Variants in UTRN observed in about 807,000 individuals in gnomAD.
UTRN encodes utrophin.
In UTRN, 283 loss-of-function variants were observed where a neutral mutation model predicts 463.9. That is an observed-to-expected ratio of 0.61 (90% CI 0.55 to 0.67). The LOEUF is 0.67. Among genes scored for constraint, UTRN ranks in the 30% least tolerant of loss-of-function variants. The pLI, the probability that UTRN is intolerant of heterozygous loss-of-function variation, is 0.00. For missense variants in UTRN, 3,922 were observed against 4,084.3 expected (o/e 0.96, Z 1.08); for synonymous variants, 1,442 against 1,431.5 (o/e 1.01, Z -0.17).
intron 49 of UTRN, among the ~76,000 whole-genome samples, chr6:144,555,632 T>C (rs939443505): frequency 9.9e-5 from 15 of 152,212 alleles, no homozygotes; most frequent in African/African-American, 3.6e-4. Context: ...GGTTCCGCCA[T>C]GTTGCCCAGG....
intron 2 of UTRN, among the ~76,000 whole-genome samples, chr6:144,300,049 CCCTA>C (rs1805090107): frequency 2.6e-5 from 4 of 151,444 alleles, no homozygotes; most frequent in Admixed American, 2.6e-4. Flanking sequence ...GTAGCATTTT[CCCTA>C]TGGATCTGTA....
At chr6:144,543,184 G>C (rs1798125920) in intron 46 of UTRN, among the ~76,000 whole-genome samples, 1 of 152,144 alleles carries the variant, frequency 6.6e-6, no homozygotes, top group South Asian at 2.1e-4. Context: ...CTAGTTTTCT[G>C]GGTCCAGGCA....
intron 1 of UTRN, among the ~76,000 whole-genome samples, chr6:144,288,361 T>C (rs1803885685): frequency 6.6e-6 from 1 of 152,204 alleles, no homozygotes; most frequent in South Asian, 2.1e-4. Context: ...ACTTTTCTCT[T>C]TTATGGGTGA....
chr6:144,333,532 T>A (rs773225567), intron 2 of UTRN, among the ~76,000 whole-genome samples: 1 of 152,114 alleles, frequency 6.6e-6, no homozygotes, highest in Non-Finnish European at 1.5e-5. Flanking sequence ...GTAAAAAAAA[T>A]GTTATGTGAA....
At chr6:144,766,787 G>GGTGTGTGTGT (rs35485550) in intron 58 of UTRN, among the ~76,000 whole-genome samples, 25 of 150,988 alleles carry the variant, frequency 1.7e-4, no homozygotes, top group African/African-American at 6.1e-4. Context: ...TTGAGGTAGG[G>GGTGTGTGTGT]GTGTGTGTGT....
At position 144,577,195 on chromosome 6, in the gene UTRN, A is replaced by C. The variant is rs776715514; in HGVS notation, c.7386A>C (p.Ala2462=). ...ACTTCCTGAAGTGGATCCAAGAAGC[A>C]GAGACCACAGTGAATGTGCTTGTGG... ...LENFLKWIQE[A]ETTVNVLVDA... Residue 2462 remains alanine, a synonymous_variant, in exon 51 of 75, where the codon GCA becomes GCC. Transcript: ENST00000367545. 2 of 1,614,002 alleles carry C rather than the reference A, an allele frequency of 1.2e-6. No homozygotes were observed.
chr6:144,298,486 C>T (rs1804940567), intron 2 of UTRN, among the ~76,000 whole-genome samples: 1 of 149,746 alleles, frequency 6.7e-6, no homozygotes, highest in Non-Finnish European at 1.5e-5. Flanking sequence ...TCTCTTGGCC[C>T]GGTTCATAAG....
chr6:144,671,711 A>G (rs1781057094), intron 51 of UTRN, among the ~76,000 whole-genome samples: 1 of 152,150 alleles, frequency 6.6e-6, no homozygotes, highest in African/African-American at 2.4e-5. Flanking sequence ...AGAAGTGATG[A>G]AAGTGGACAT....
chr6:144,770,312 G>T (rs774808304), intron 58 of UTRN, among the ~76,000 whole-genome samples: 1 of 152,082 alleles, frequency 6.6e-6, no homozygotes, highest in African/African-American at 2.4e-5. Context: ...TGGGGTTTTT[G>T]TTACCTGTGT....
intron 63 of UTRN, among the ~76,000 whole-genome samples, chr6:144,796,865 A>G (rs1030799738): frequency 1.3e-5 from 2 of 152,192 alleles, no homozygotes; most frequent in Admixed American, 6.5e-5. Flanking sequence ...TCAAATGCAA[A>G]TTCTAAATAT....
chr6:144,557,408 A>G (rs2128615256), intron 50 of UTRN, 97 bp downstream of exon 50: 1 of 1,265,150 alleles, frequency 7.9e-7, no homozygotes, highest in Non-Finnish European at 1.1e-6. Context: ...TGTGGCTACT[A>G]CAAGTACATT....
At chr6:144,571,940 G>A (rs1292768256) in intron 50 of UTRN, among the ~76,000 whole-genome samples, 4 of 152,050 alleles carry the variant, frequency 2.6e-5, no homozygotes, top group Non-Finnish European at 4.4e-5. Context: ...CATCATGCTG[G>A]GTATTTGCTT....
At chr6:144,471,078 G>C (rs1157185152) in intron 23 of UTRN, among the ~76,000 whole-genome samples, 9 of 111,332 alleles carry the variant, frequency 8.1e-5, no homozygotes, top group African/African-American at 3.2e-4. Context: ...GAGGGGGCGA[G>C]GGAGGGGGAG....
intron 53 of UTRN, among the ~76,000 whole-genome samples, chr6:144,714,799 T>C (rs1786203397): frequency 6.6e-6 from 1 of 152,188 alleles, no homozygotes; most frequent in African/African-American, 2.4e-5. Context: ...TGTCTCTGTT[T>C]GTTAGTGTTG....
At chr6:144,305,877 G>A (rs979981240) in intron 2 of UTRN, among the ~76,000 whole-genome samples, 1 of 152,234 alleles carries the variant, frequency 6.6e-6, no homozygotes, top group Non-Finnish European at 1.5e-5. Flanking sequence ...TTTGTGCATT[G>A]CCTTGCCTGA....
chr6:144,635,641 G>A (rs1405531595), intron 51 of UTRN, among the ~76,000 whole-genome samples: 1 of 141,642 alleles, frequency 7.1e-6, no homozygotes, highest in Non-Finnish European at 1.5e-5. Context: ...TCGGGTTCAT[G>A]AGATCCTCCC....
chr6:144,612,058 CAAAT>C (rs1805583979), intron 51 of UTRN, among the ~76,000 whole-genome samples: 2 of 152,034 alleles, frequency 1.3e-5, no homozygotes, highest in South Asian at 4.1e-4. Context: ...AGAAAACCCA[CAAAT>C]AAACCCACAC....
At position 144,516,125 on chromosome 6, in the gene UTRN, C is replaced by T. The variant is rs1795590350; in HGVS notation, c.5245-104C>T. 9.5e-6 allele frequency: 11 copies of T among 1,160,522 alleles called. No individual in the cohort carries two copies. The East Asian group carries it at 2.6e-4, about 28-fold the overall frequency. The allele number at this position is 1,160,522 out of a possible 1,614,324, so 71.9% of individuals were successfully genotyped here. A position where few individuals can be genotyped will look rare whatever the true frequency, so the allele number is the denominator to read the frequency against. ...AGTTAGCTGAGCTGAATAGAAAAGT[C>T]AGTTAAAAAAGTGTTAGTTTCTCTC... On this transcript the variant is annotated intron_variant, in intron 37 of 74. Coordinates refer to ENST00000367545, the MANE Select transcript of UTRN (RefSeq NM_007124.3).
At chr6:144,695,058 C>G (rs1172449512) in intron 52 of UTRN, among the ~76,000 whole-genome samples, 4 of 148,492 alleles carry the variant, frequency 2.7e-5, no homozygotes, top group Non-Finnish European at 5.9e-5. Flanking sequence ...TTCTGTATTT[C>G]ACATTATGCT....
Sources: gnomAD v4.1 joint callset for allele counts (sites outside exome capture counted in the v4.1 genomes callset) on GRCh38, gnomAD v4.1.1 for gene constraint, MANE v1.5 for transcripts, NCBI Gene and HGNC (gene_info 2026-07-23, HGNC 2026-07-21) for gene names.